Variants in FAM24B observed in about 807,000 individuals in gnomAD.
FAM24B encodes protein FAM24B.
FAM24B carries 3 observed loss-of-function variants against 2.3 expected under a neutral mutation model. The observed-to-expected ratio is 1.29, with a 90% CI of 0.59 to 3.32. The LOEUF (loss-of-function observed/expected upper bound fraction) is 3.32, where lower values mean the gene tolerates loss of function less well. Among genes scored for constraint, FAM24B ranks in the 30% most tolerant of loss-of-function variants. FAM24B has a pLI of 0.03. For missense variants in FAM24B, 98 were observed against 117.2 expected, an observed-to-expected ratio of 0.84 and a Z score of 0.76; for synonymous variants, 36 against 46.3, an observed-to-expected ratio of 0.78 and a Z score of 0.90.
In FAM24B at chr10:122,862,460, T is replaced by C. The variant is rs140780568; in HGVS notation, c.-177-6674A>G. Reference sequence around the variant, plus strand: ...AAAAAGAAAAGTAAATACATGAAGTTATTAACAGTGATTGTCTATACGTGG... The same window carrying C: ...AAAAAGAAAAGTAAATACATGAAGTCATTAACAGTGATTGTCTATACGTGG... On this transcript the variant is annotated intron_variant, in intron 1 of 3. Transcript: ENST00000368898. Among the ~76,000 whole-genome samples, 974 of 152,332 alleles carry C rather than the reference T, an allele frequency of 6.4e-3. 8 individuals carry two copies. The highest frequency in any genetic ancestry group is 0.016 in the African/African-American group (661 of 41,574).
chr10:122,867,996 C>G (rs1847827836), intron 1 of FAM24B, among the ~76,000 whole-genome samples: 1 of 152,024 alleles, frequency 6.6e-6, no homozygotes, highest in Non-Finnish European at 1.5e-5. Context: ...CTACTCCGAG[C>G]TAAAGGAGGA....
At chr10:122,850,654 C>T in intron 2 of FAM24B, 104 bp from the exon 3 acceptor site, 1 of 688,238 alleles carries the variant, frequency 1.5e-6, no homozygotes, top group Non-Finnish European at 2.6e-6. Flanking sequence ...ACCCCAAACA[C>T]AGATCCTTAT....
At chr10:122,878,528 T>C (rs1848017320) in intron 1 of FAM24B, among the ~76,000 whole-genome samples, 1 of 150,456 alleles carries the variant, frequency 6.6e-6, no homozygotes, top group Admixed American at 6.6e-5. Flanking sequence ...TGAAACTCCA[T>C]CTCAAAAGAA....
intron 3 of FAM24B, among the ~76,000 whole-genome samples, chr10:122,849,755 C>T (rs890810241): frequency 7.2e-5 from 11 of 151,842 alleles, no homozygotes; most frequent in South Asian, 2.1e-4. Context: ...TCCCAGGCTC[C>T]GGGATGTGCC....
In FAM24B at chr10:122,850,522, T is replaced by G; in HGVS notation, c.-7A>C. 5.0e-6 allele frequency: 8 copies of G among 1,606,376 alleles called. No individual in the cohort carries two copies. Among genetic ancestry groups the G allele is most frequent in the Non-Finnish European group, 6.8e-6 (8 of 1,172,886 alleles). ...CACCAGCGATGACAGGCATAATCAC[T>G]GTATGGAGGTCAAAAGACTTCGATG... is the stretch of plus-strand genomic sequence containing the variant. On this transcript the variant is annotated 5_prime_UTR_variant, in exon 3 of 4. Transcript: ENST00000368898.
At chr10:122,857,527 C>A (rs1006645068) in intron 1 of FAM24B, among the ~76,000 whole-genome samples, 49 of 152,328 alleles carry the variant, frequency 3.2e-4, no homozygotes, top group African/African-American at 1.2e-3. Flanking sequence ...TTACACTTCA[C>A]AACTGGTCAT....
At chr10:122,877,692 T>C (rs1186101711) in intron 1 of FAM24B, among the ~76,000 whole-genome samples, 1 of 152,202 alleles carries the variant, frequency 6.6e-6, no homozygotes, top group African/African-American at 2.4e-5. Context: ...ATTTAAACTA[T>C]AGCCTAAATG....
chr10:122,860,299 C>T (rs1017667312), intron 1 of FAM24B, among the ~76,000 whole-genome samples: 4 of 152,094 alleles, frequency 2.6e-5, no homozygotes, highest in African/African-American at 9.7e-5. Flanking sequence ...TTATACTTAG[C>T]CTTTTGGACC....
intron 1 of FAM24B, among the ~76,000 whole-genome samples, chr10:122,867,507 T>G (rs1392055657): frequency 2.6e-5 from 4 of 152,254 alleles, no homozygotes; most frequent in Non-Finnish European, 5.9e-5. Context: ...AGTGGGTCCC[T>G]GACCCCTGAG....
At chr10:122,857,776 A>C (rs1199931076) in intron 1 of FAM24B, among the ~76,000 whole-genome samples, 2 of 152,242 alleles carry the variant, frequency 1.3e-5, no homozygotes, top group Non-Finnish European at 2.9e-5. Context: ...ACTCTTGAGG[A>C]AGTACAAACC....
At chr10:122,872,808 G>A (rs1847918165) in intron 1 of FAM24B, among the ~76,000 whole-genome samples, 1 of 152,124 alleles carries the variant, frequency 6.6e-6, no homozygotes, top group African/African-American at 2.4e-5. Context: ...AGGGGGGACG[G>A]ATAGCATTAG....
chr10:122,879,041 G>A (rs1007638387), intron 1 of FAM24B, among the ~76,000 whole-genome samples: 2 of 152,158 alleles, frequency 1.3e-5, no homozygotes, highest in African/African-American at 2.4e-5. Context: ...GAGTACAAAA[G>A]GAAGAAAGAG....
At chr10:122,860,687 CAG>C (rs1361389179) in intron 1 of FAM24B, among the ~76,000 whole-genome samples, 1 of 151,812 alleles carries the variant, frequency 6.6e-6, no homozygotes, top group African/African-American at 2.4e-5. Context: ...TTGATAATGT[CAG>C]AGGACTTTTT....
At chr10:122,860,342 A>G (rs1589671384) in intron 1 of FAM24B, among the ~76,000 whole-genome samples, 1 of 152,134 alleles carries the variant, frequency 6.6e-6, no homozygotes, top group Non-Finnish European at 1.5e-5. Context: ...TGCATTTAAT[A>G]TTTGTATATC....
chr10:122,857,003 T>C (rs1349885013), intron 1 of FAM24B, among the ~76,000 whole-genome samples: 1 of 152,172 alleles, frequency 6.6e-6, no homozygotes, highest in Admixed American at 6.5e-5. Flanking sequence ...TTGTTTGTGA[T>C]TGTAGGAATG....
At chr10:122,856,974 G>A (rs1357543396) in intron 1 of FAM24B, among the ~76,000 whole-genome samples, 1 of 152,170 alleles carries the variant, frequency 6.6e-6, no homozygotes, top group Non-Finnish European at 1.5e-5. Context: ...TTCATTGGAT[G>A]GAGACAAACA....
rs183895712 is a variant in FAM24B at position 122,876,525 on chromosome 10, A to G, written c.-178+2960T>C. ...GTAAAACTCCCAAAAGTGTAAGGGC[A>G]CCATATGAGTGGTCTCCCAGGAGTT... On this transcript the variant is annotated intron_variant, in intron 1 of 3. Transcript: ENST00000368898. Among the ~76,000 whole-genome samples the G allele has an allele frequency of 2.6e-5, 4 of 152,334 alleles. No homozygotes were observed. In the East Asian group the frequency reaches 7.7e-4, roughly 29 times the overall value.
intron 1 of FAM24B, 145 bp downstream of exon 1, chr10:122,879,340 T>C (rs1195119861): frequency 3.9e-5 from 6 of 152,272 alleles, no homozygotes; most frequent in African/African-American, 1.4e-4. Flanking sequence ...TTAACCCGAA[T>C]GGACAGCGCT....
At chr10:122,863,087 T>C (rs1404039558) in intron 1 of FAM24B, among the ~76,000 whole-genome samples, 2 of 152,144 alleles carry the variant, frequency 1.3e-5, no homozygotes, top group African/African-American at 4.8e-5. Context: ...CTTTCCCACT[T>C]CCATTAAGCC....
Sources: gnomAD v4.1 joint callset for allele counts (sites outside exome capture counted in the v4.1 genomes callset) on GRCh38, gnomAD v4.1.1 for gene constraint, MANE v1.5 for transcripts, NCBI Gene and HGNC (gene_info 2026-07-23, HGNC 2026-07-21) for gene names.